Variants in CFAP221 observed in about 807,000 individuals in gnomAD.
The protein encoded by CFAP221 is cilia- and flagella-associated protein 221.
In CFAP221, 97 loss-of-function variants were observed where a neutral mutation model predicts 113.1. The observed-to-expected ratio is 0.86, with a 90% CI of 0.73 to 1.02. The LOEUF (loss-of-function observed/expected upper bound fraction) is 1.02. Among genes scored for constraint, CFAP221 ranks in the 50% least tolerant of loss-of-function variants. The probability of loss-of-function intolerance (pLI) is 0.00; values close to 1 mark genes in which losing one functional copy is unlikely to be tolerated. For synonymous variants in CFAP221, 331 were observed against 354.4 expected, an observed-to-expected ratio of 0.93 and a Z score of 0.74; for missense variants, 1,025 against 1,013.4, an observed-to-expected ratio of 1.01 and a Z score of -0.16.
chr2:119,566,574 A>G (rs1681649096), intron 6 of CFAP221, among the ~76,000 whole-genome samples: 1 of 152,188 alleles, frequency 6.6e-6, no homozygotes, highest in South Asian at 2.1e-4. Context: ...GCTCCTACAG[A>G]CATGAGCAGC....
intron 3 of CFAP221, among the ~76,000 whole-genome samples, chr2:119,553,674 C>T (rs1680581196): frequency 6.6e-6 from 1 of 152,184 alleles, no homozygotes; most frequent in Non-Finnish European, 1.5e-5. Flanking sequence ...TCAGTTTTCA[C>T]TTCCTTCCCT....
At chr2:119,613,781 C>A (rs1685338206) in intron 13 of CFAP221, among the ~76,000 whole-genome samples, 1 of 152,238 alleles carries the variant, frequency 6.6e-6, no homozygotes, top group Non-Finnish European at 1.5e-5. Context: ...TAACATTTGG[C>A]ACCTCATTAC....
At chr2:119,591,840 C>T (rs890180071) in intron 7 of CFAP221, among the ~76,000 whole-genome samples, 7 of 152,112 alleles carry the variant, frequency 4.6e-5, no homozygotes, top group South Asian at 2.1e-4. Context: ...GGCACTTCTG[C>T]GGGTCCCACA....
At chr2:119,652,437 C>T (rs1394957074) in intron 23 of CFAP221, among the ~76,000 whole-genome samples, 2 of 152,170 alleles carry the variant, frequency 1.3e-5, no homozygotes, top group Admixed American at 6.5e-5. Context: ...AAGTTATTGT[C>T]CTTATCAACT....
In CFAP221 at chr2:119,605,179, A is replaced by G; in HGVS notation, c.1025-2A>G. ...ATAAACATTGTCTGCTCCTGCCTTC[A>G]GTTTTGGACCAGGGCACTGAAATTT... is the stretch of plus-strand genomic sequence containing the variant. On this transcript the variant is annotated splice_acceptor_variant, in intron 10 of 23. Transcript: ENST00000413369. LOFTEE classifies it high-confidence loss of function. The G allele has an allele frequency of 1.9e-6, 3 of 1,612,114 alleles. No individual in the cohort carries two copies. The highest frequency in any genetic ancestry group is 1.7e-6 in the Non-Finnish European group (2 of 1,178,244).
Position 119,587,163 on chromosome 2 carries a change from T to C in CFAP221, c.572T>C (p.Phe191Ser), listed in dbSNP as rs1392113332. ...TTGCAGTGCAGCTGCCCTGTAGATT[T>C]TGAGTTTTATATCACCTTGATTCAG... Reference protein sequence around the residue: ...IPLQCSCPVDFEFYITLIQSH... With the variant: ...IPLQCSCPVDSEFYITLIQSH... Residue 191 changes from phenylalanine to serine, a missense_variant, in exon 7 of 24, where the codon TTT (phenylalanine) becomes TCT (serine). Transcript: ENST00000413369. 6.5e-7 allele frequency: 1 copy of C among 1,532,964 alleles called. No individual in the cohort carries two copies. Among genetic ancestry groups the C allele is most frequent in the Admixed American group, 2.0e-5 (1 of 50,666 alleles). The allele number at this position is 1,532,964 out of a possible 1,614,324, so 95.0% of individuals were successfully genotyped here. A position where few individuals can be genotyped will look rare whatever the true frequency, so the allele number is the denominator to read the frequency against.
At chr2:119,640,072 G>A (rs1273080453) in intron 21 of CFAP221, among the ~76,000 whole-genome samples, 200 bp downstream of exon 21, 1 of 152,212 alleles carries the variant, frequency 6.6e-6, no homozygotes, top group Non-Finnish European at 1.5e-5. Flanking sequence ...TCTTTGAAAA[G>A]TAATGTCCTA....
At chr2:119,574,046 C>T (rs1682254046) in intron 6 of CFAP221, among the ~76,000 whole-genome samples, 1 of 152,088 alleles carries the variant, frequency 6.6e-6, no homozygotes, top group Non-Finnish European at 1.5e-5. Context: ...CTTGTGGTTC[C>T]TAGAGAAAGC....
At chr2:119,564,455 A>T (rs1049184759) in intron 6 of CFAP221, among the ~76,000 whole-genome samples, 3 of 152,224 alleles carry the variant, frequency 2.0e-5, no homozygotes, top group Admixed American at 2.0e-4. Context: ...AATAACAATG[A>T]ATACTGGTTT....
At chr2:119,601,180 A>G in intron 7 of CFAP221, 38 bp from the exon 8 acceptor site, 1 of 1,480,416 alleles carries the variant, frequency 6.8e-7, no homozygotes, top group South Asian at 1.3e-5. Flanking sequence ...CTTGGCAAGA[A>G]GAGAGGGTAT....
Position 119,621,604 on chromosome 2 carries a change from A to G in CFAP221, c.1411-3979A>G, listed in dbSNP as rs546013680. Among the ~76,000 whole-genome samples, 21 of 152,334 alleles carry G rather than the reference A, an allele frequency of 1.4e-4. No homozygotes were observed. The South Asian group carries it at 4.1e-3, about 30-fold the overall frequency. On this transcript the variant is annotated intron_variant, in intron 14 of 23. Coordinates refer to ENST00000413369, the MANE Select transcript of CFAP221 (RefSeq NM_001271049.2). ...CAAAATACACATTCTTCTCAGCACC[A>G]CATTGCACTTATTCTAAAAGTGACC...
At chr2:119,553,462 G>C (rs985954246) in intron 3 of CFAP221, among the ~76,000 whole-genome samples, 1 of 152,138 alleles carries the variant, frequency 6.6e-6, no homozygotes, top group Admixed American at 6.5e-5. Context: ...TTTTGAGCAG[G>C]GTTATGATGC....
chr2:119,548,089 A>G (rs1680176319), intron 2 of CFAP221, among the ~76,000 whole-genome samples: 1 of 152,000 alleles, frequency 6.6e-6, no homozygotes, highest in African/African-American at 2.4e-5. Context: ...TCAGCCTCCC[A>G]TGTAGCTGGG....
intron 6 of CFAP221, among the ~76,000 whole-genome samples, chr2:119,582,887 C>CA (rs1417480504): frequency 6.6e-6 from 1 of 151,854 alleles, no homozygotes; most frequent in Non-Finnish European, 1.5e-5. Context: ...GGCAAAAGAA[C>CA]AAAAATGAAG....
At chr2:119,657,400 A>G (rs1688479813), downstream of CFAP221, among the ~76,000 whole-genome samples, 1 of 152,188 alleles carries the variant, frequency 6.6e-6, no homozygotes, top group African/African-American at 2.4e-5. Context: ...GTGAGGATTC[A>G]ATTAGGAAAT....
intron 6 of CFAP221, 139 bp downstream of exon 6, chr2:119,562,253 C>CAAAAAAA (rs10628972): frequency 9.8e-5 from 27 of 274,524 alleles, no homozygotes; most frequent in African/African-American, 1.6e-4. Flanking sequence ...TTGTAAAAGG[C>CAAAAAAA]AAAAAAAAAA....
At chr2:119,657,920 G>A (rs760054129), downstream of CFAP221, among the ~76,000 whole-genome samples, 54 of 152,300 alleles carry the variant, frequency 3.5e-4, no homozygotes, top group Admixed American at 2.0e-3. Flanking sequence ...TTGTGATGTC[G>A]ATATGTCTTC....
intron 6 of CFAP221, among the ~76,000 whole-genome samples, chr2:119,581,467 A>G (rs748171480): frequency 5.9e-5 from 9 of 152,226 alleles, no homozygotes; most frequent in Admixed American, 1.3e-4. Flanking sequence ...TATACTGGAC[A>G]CAATTGAAGA....
intron 14 of CFAP221, among the ~76,000 whole-genome samples, chr2:119,616,412 C>T (rs953650944): frequency 6.6e-6 from 1 of 152,144 alleles, no homozygotes; most frequent in African/African-American, 2.4e-5. Context: ...GGATATTGAT[C>T]AGTTACTTCT....
Sources: gnomAD v4.1 joint callset for allele counts (sites outside exome capture counted in the v4.1 genomes callset) on GRCh38, gnomAD v4.1.1 for gene constraint, MANE v1.5 for transcripts, NCBI Gene and HGNC (gene_info 2026-07-23, HGNC 2026-07-21) for gene names.